Variants in MYLK3 observed in about 807,000 individuals in gnomAD.
MYLK3 encodes myosin light chain kinase 3.
MYLK3 carries 55 observed loss-of-function variants against 76.3 expected under a neutral mutation model. The ratio of observed to expected loss-of-function variants is 0.72; its 90% CI spans 0.58 to 0.90. The LOEUF is 0.90. Among genes scored for constraint, MYLK3 ranks in the 40% least tolerant of loss-of-function variants. MYLK3 has a pLI of 0.00. For synonymous variants in MYLK3, 416 were observed against 425.4 expected, an observed-to-expected ratio of 0.98 and a Z score of 0.27; for missense variants, 973 against 1,053.6, an observed-to-expected ratio of 0.92 and a Z score of 1.06.
At chr16:46,734,750 T>C (rs144348880) in intron 3 of MYLK3, among the ~76,000 whole-genome samples, 1 of 152,234 alleles carries the variant, frequency 6.6e-6, no homozygotes, top group African/African-American at 2.4e-5. Flanking sequence ...TGTTATTTAG[T>C]GGATGATGAA....
intron 1 of MYLK3, among the ~76,000 whole-genome samples, chr16:46,742,416 C>T (rs1423269117): frequency 2.0e-5 from 3 of 147,686 alleles, no homozygotes; most frequent in African/African-American, 5.0e-5. Flanking sequence ...ATTAGCCAGG[C>T]GTGGTGACAG....
rs138732865 is a variant in MYLK3, at chr16:46,717,756, A to C, written c.1985+3367T>G. Among the ~76,000 whole-genome samples the C allele has an allele frequency of 3.2e-4, 48 of 150,570 alleles. No homozygotes were observed. In the East Asian group the frequency reaches 5.5e-3, roughly 17 times the overall value. The stretch of plus-strand genomic sequence containing the variant: ...TTACAAATCAAACCCATCCCCTCTC[A>C]CTCCCCACTCCCCCAGGCTGGTGCT... On this transcript the variant is annotated intron_variant, in intron 9 of 12. Coordinates refer to ENST00000394809, the MANE Select transcript of MYLK3 (RefSeq NM_182493.3).
chr16:46,756,611 T>C (rs1967203873), intron 1 of MYLK3, among the ~76,000 whole-genome samples: 1 of 152,200 alleles, frequency 6.6e-6, no homozygotes, highest in Non-Finnish European at 1.5e-5. Flanking sequence ...CAGTGAAAGG[T>C]CTTGTTCTAA....
rs759735281 is a variant in MYLK3 at position 46,729,098 on chromosome 16, C to G, written c.1698G>C (p.Gln566His). ...GCTGGATCAGGTTCACGTGGCTGAG[C>G]TGGTTCATGATGTTGATCTCGTTCT... ...DVKNEINIMN[Q>H]LSHVNLIQLY... The change falls in exon 7 of 13, where the codon CAG (glutamine) becomes CAC (histidine). Residue 566 changes from glutamine to histidine, a missense_variant. By Grantham distance (24) the Gln-to-His change is conservative. This residue lies in a region of MYLK3 where 332 missense variants were observed against 416.6 expected (regional missense o/e 0.80). Transcript: ENST00000394809. 8.7e-6 allele frequency: 14 copies of G among 1,614,026 alleles called. No individual in the cohort carries two copies. The highest frequency in any genetic ancestry group is 1.3e-5 in the African/African-American group (1 of 74,936).
intron 1 of MYLK3, chr16:46,757,365 T>C (rs1168179300): frequency 2.0e-6 from 2 of 985,212 alleles, no homozygotes; most frequent in African/African-American, 1.7e-5. Flanking sequence ...TCCCGTGCCC[T>C]ACCAATTGTT....
chr16:46,730,450 T>G (rs906062637), intron 5 of MYLK3, 143 bp downstream of exon 5: 20 of 676,148 alleles, frequency 3.0e-5, no homozygotes, highest in African/African-American at 2.6e-4. Context: ...CCCCATGCTG[T>G]ACAGGATGTC....
At chr16:46,735,574 G>A (rs540868716) in intron 3 of MYLK3, among the ~76,000 whole-genome samples, 46 of 152,288 alleles carry the variant, frequency 3.0e-4, no homozygotes, top group Admixed American at 5.9e-4. Context: ...CCCCGTCCCC[G>A]TGTCTGAGCT....
chr16:46,730,837 A>G (rs1966851210), intron 4 of MYLK3, 139 bp from the exon 5 acceptor site: 1 of 694,878 alleles, frequency 1.4e-6, no homozygotes. Flanking sequence ...TTTTCTCCAA[A>G]CCATCTCAGT....
Position 46,737,796 on chromosome 16 carries a change from G to A in MYLK3, c.916C>T (p.Pro306Ser). 1.2e-6 allele frequency: 2 copies of A among 1,612,456 alleles called. No individual in the cohort carries two copies. Among genetic ancestry groups the A allele is most frequent in the Admixed American group, 1.7e-5 (1 of 60,038 alleles). Residue 306 changes from proline (P) to serine (S), a missense_variant, in exon 3 of 13, where the codon CCA (proline) becomes TCA (serine). Pro to Ser is a moderately conservative substitution (Grantham distance 74). This residue lies in a region of MYLK3 where 641 missense variants were observed against 637.0 expected (regional missense o/e 1.01). Coordinates refer to ENST00000394809, the MANE Select transcript of MYLK3 (RefSeq NM_182493.3). Reference sequence around the variant, plus strand: ...CCTGGGCACTGAGGGCCAGGCCCTGGAGTCAGCCTCGTGCCTTCCTCTAAG... The same window carrying A: ...CCTGGGCACTGAGGGCCAGGCCCTGAAGTCAGCCTCGTGCCTTCCTCTAAG... ...EPLEEGTRLT[P>S]GPGPQCPGPP...
At chr16:46,733,656 T>C (rs1966857289) in intron 3 of MYLK3, among the ~76,000 whole-genome samples, 1 of 151,908 alleles carries the variant, frequency 6.6e-6, no homozygotes, top group African/African-American at 2.4e-5. Flanking sequence ...CACCCGGGAA[T>C]CCAAACCCTC....
intron 1 of MYLK3, among the ~76,000 whole-genome samples, chr16:46,755,957 G>C (rs1010006606): frequency 7.0e-6 from 1 of 143,020 alleles, no homozygotes; most frequent in Non-Finnish European, 1.5e-5. Flanking sequence ...GCCCAGGCTG[G>C]AGTGCAGTGG....
In MYLK3 at chr16:46,718,382, CGTGGGATGAT is replaced by C. The variant is rs1364520818; in HGVS notation, c.1985+2731_1985+2740del. On this transcript the variant is annotated intron_variant, in intron 9 of 12. Coordinates refer to ENST00000394809, the MANE Select transcript of MYLK3 (RefSeq NM_182493.3). ...ACACTGTGTGATAGAGACCCTGTCT[CGTGGGATGAT>C]GTGAAATTCCTCCTGCGGTTACACT... 1.2e-4 allele frequency among the ~76,000 whole-genome samples: 18 copies of C among 152,290 alleles called. 1 individual carries two copies. The highest frequency in any genetic ancestry group is 1.1e-3 in the Admixed American group (17 of 15,296).
At chr16:46,734,915 G>T (rs1261764519) in intron 3 of MYLK3, among the ~76,000 whole-genome samples, 2 of 152,182 alleles carry the variant, frequency 1.3e-5, no homozygotes, top group African/African-American at 2.4e-5. Flanking sequence ...GCTGAGGCAG[G>T]AGGATCACTT....
intron 1 of MYLK3, 56 bp downstream of exon 1, chr16:46,747,661 T>A: frequency 6.5e-7 from 1 of 1,533,470 alleles, no homozygotes; most frequent in East Asian, 2.3e-5. Context: ...GCCTGGCCAG[T>A]CTCCCACCAG....
chr16:46,707,652 T>G lies in MYLK3; in HGVS notation c.*52A>C. On this transcript the variant is annotated 3_prime_UTR_variant, in exon 13 of 13. Coordinates refer to ENST00000394809, the MANE Select transcript of MYLK3 (RefSeq NM_182493.3). Reference sequence around the variant, plus strand: ...TAAATGTTTGAGTCATCTCTTCACTTCACCACTGGCCTCAGTAATTTCTGG... The same window carrying G: ...TAAATGTTTGAGTCATCTCTTCACTGCACCACTGGCCTCAGTAATTTCTGG... 1 of 1,265,592 alleles carries G rather than the reference T, an allele frequency of 7.9e-7. No homozygotes were observed. The highest frequency in any genetic ancestry group is 1.9e-4 in the Middle Eastern group (1 of 5,268). The allele number at this position is 1,265,592 out of a possible 1,614,324, so 78.4% of individuals were successfully genotyped here. A position where few individuals can be genotyped will look rare whatever the true frequency, so the allele number is the denominator to read the frequency against.
intron 9 of MYLK3, among the ~76,000 whole-genome samples, chr16:46,718,634 G>A (rs892635402): frequency 6.6e-6 from 1 of 152,112 alleles, no homozygotes; most frequent in Non-Finnish European, 1.5e-5. Flanking sequence ...AGAGGGTACC[G>A]CGTGGCCATG....
intron 2 of MYLK3, among the ~76,000 whole-genome samples, chr16:46,739,457 C>T (rs1966895719): frequency 6.6e-6 from 1 of 152,098 alleles, no homozygotes; most frequent in South Asian, 2.1e-4. Flanking sequence ...CTACAGTTGG[C>T]CCTTGAGCAA....
chr16:46,761,633 A>G (rs550538238), intron 1 of MYLK3, among the ~76,000 whole-genome samples: 17 of 152,044 alleles, frequency 1.1e-4, no homozygotes, highest in Admixed American at 2.0e-4. Context: ...CCTGGCCAAC[A>G]TGGCGAAACC....
chr16:46,716,265 A>G (rs978343397), intron 9 of MYLK3, among the ~76,000 whole-genome samples: 1 of 152,096 alleles, frequency 6.6e-6, no homozygotes, highest in African/African-American at 2.4e-5. Flanking sequence ...AATTTGTCTG[A>G]CACTTTTGAA....
Sources: gnomAD v4.1 joint callset for allele counts (sites outside exome capture counted in the v4.1 genomes callset) on GRCh38, gnomAD v4.1.1 for gene constraint, gnomAD v4.1.1 regional missense constraint, MANE v1.5 for transcripts, NCBI Gene and HGNC (gene_info 2026-07-23, HGNC 2026-07-21) for gene names.